CHD1: variants seen among roughly 807,000 people sequenced by gnomAD.
CHD1 encodes ATP-dependent chromatin remodeler CHD1.
Under a neutral mutation model 224.2 loss-of-function variants are expected in CHD1, and 36 were observed. The ratio of observed to expected loss-of-function variants is 0.16; its 90% CI spans 0.12 to 0.21. The LOEUF is 0.21. CHD1 is among the 10% of genes least tolerant of loss of function. CHD1 has a pLI of 1.00. For synonymous variants in CHD1, 668 were observed against 658.3 expected, an observed-to-expected ratio of 1.01 and a Z score of -0.23; for missense variants, 1,378 against 1,994.8, an observed-to-expected ratio of 0.69 and a Z score of 5.89.
chr5:98,895,623 G>A (rs1012432133), intron 12 of CHD1, among the ~76,000 whole-genome samples: 5 of 151,778 alleles, frequency 3.3e-5, no homozygotes, highest in Non-Finnish European at 5.9e-5. Context: ...CCTGGTGGCA[G>A]GCGCTTGTAA....
intron 3 of CHD1, among the ~76,000 whole-genome samples, chr5:98,904,315 G>GA (rs1209934177): frequency 2.0e-5 from 3 of 152,120 alleles, no homozygotes; most frequent in Non-Finnish European, 4.4e-5. Context: ...CTCTATGAAG[G>GA]AATCTGTGTG....
chr5:98,867,664 C>T (rs928602055), intron 31 of CHD1, among the ~76,000 whole-genome samples: 4 of 152,032 alleles, frequency 2.6e-5, no homozygotes, highest in Admixed American at 1.3e-4. Context: ...CTTGTTAAAC[C>T]CCTCTTCTTA....
At chr5:98,878,217 G>C (rs1050668222) in intron 23 of CHD1, among the ~76,000 whole-genome samples, 2 of 152,228 alleles carry the variant, frequency 1.3e-5, no homozygotes, top group African/African-American at 2.4e-5. Context: ...GAAGACTGGA[G>C]AAAACTTTCC....
At chr5:98,909,872 C>T (rs1048190117) in intron 2 of CHD1, among the ~76,000 whole-genome samples, 10 of 152,152 alleles carry the variant, frequency 6.6e-5, no homozygotes, top group Non-Finnish European at 1.3e-4. Context: ...CAACAGGAAA[C>T]CCTTTATTAG....
intron 3 of CHD1, 106 bp from the exon 4 acceptor site, chr5:98,904,014 T>A (rs1244072925): frequency 3.0e-6 from 2 of 658,982 alleles, no homozygotes; most frequent in African/African-American, 3.6e-5. Flanking sequence ...CTCAAAGTAA[T>A]AAAGACTATA....
intron 34 of CHD1, 180 bp from the exon 35 acceptor site, chr5:98,858,570 G>T: frequency 1.9e-6 from 1 of 538,530 alleles, no homozygotes; most frequent in East Asian, 2.9e-5. Context: ...AATTAAAAAA[G>T]GTTGCTTGAT....
At chr5:98,928,355 G>A (rs887598709) in intron 1 of CHD1, among the ~76,000 whole-genome samples, 184 bp downstream of exon 1, 3 of 152,046 alleles carry the variant, frequency 2.0e-5, no homozygotes, top group African/African-American at 7.2e-5. Flanking sequence ...GCCCCGGCCT[G>A]TACTCGCCGC....
chr5:98,861,153 C>T (rs1580348824), intron 32 of CHD1, among the ~76,000 whole-genome samples: 1 of 152,306 alleles, frequency 6.6e-6, no homozygotes, highest in Non-Finnish European at 1.5e-5. Context: ...CTCTTTTAAA[C>T]AGTTCAGGTC....
chr5:98,898,457 C>CTTAT, intron 9 of CHD1, 23 bp from the exon 10 acceptor site: 1 of 1,503,384 alleles, frequency 6.7e-7, no homozygotes, highest in South Asian at 1.4e-5. Flanking sequence ...CAGGCATTTA[C>CTTAT]TTATTTATTT....
At chr5:98,891,241 G>A (rs1751004157) in intron 15 of CHD1, among the ~76,000 whole-genome samples, 1 of 151,922 alleles carries the variant, frequency 6.6e-6, no homozygotes, top group African/African-American at 2.4e-5. Flanking sequence ...TCCTGGCTAA[G>A]TTTTTTGTAT....
At position 98,875,113 on chromosome 5, in the gene CHD1, C is replaced by A; in HGVS notation, c.3399G>T (p.Arg1133=). The change falls in exon 25 of 36, where the codon CGG becomes CGT. Residue 1133 remains arginine (R), a splice_region_variant and synonymous_variant. Transcript: ENST00000614616. ...IKGFSDAEIR[R]FIKSYKKFGG... is the part of the protein sequence containing the mutation. ...CAAATTTCTTATAGCTCTTGATAAACCTAAGAGAAAATAATTGTTTGGTAA... is the reference window on the plus strand; with the variant it reads ...CAAATTTCTTATAGCTCTTGATAAAACTAAGAGAAAATAATTGTTTGGTAA... 6.7e-7 allele frequency: 1 copy of A among 1,497,234 alleles called. No homozygotes were observed. Among genetic ancestry groups the A allele is most frequent in the Non-Finnish European group, 9.2e-7 (1 of 1,082,982 alleles). The allele number at this position is 1,497,234 out of a possible 1,614,324, so 92.7% of individuals were successfully genotyped here. A position where few individuals can be genotyped will look rare whatever the true frequency, so the allele number is the denominator to read the frequency against.
intron 31 of CHD1, among the ~76,000 whole-genome samples, chr5:98,864,210 T>C (rs1016334913): frequency 1.3e-5 from 2 of 152,082 alleles, no homozygotes; most frequent in Non-Finnish European, 2.9e-5. Flanking sequence ...TATAACCTTA[T>C]GCCAAAATCA....
intron 7 of CHD1, 47 bp downstream of exon 7, chr5:98,900,764 A>G (rs1162334837): frequency 6.5e-7 from 1 of 1,543,028 alleles, no homozygotes; most frequent in Non-Finnish European, 8.8e-7. Context: ...CTACTCCTGT[A>G]AATATTATTT....
intron 30 of CHD1, chr5:98,869,086 T>C (rs1749121603): frequency 1.1e-6 from 1 of 918,514 alleles, no homozygotes; most frequent in Admixed American, 6.2e-5. Flanking sequence ...CTTTAAAATC[T>C]TTTTCCTTTA....
chr5:98,912,952 A>G (rs1224441435), intron 2 of CHD1, among the ~76,000 whole-genome samples: 2 of 152,170 alleles, frequency 1.3e-5, no homozygotes, highest in African/African-American at 4.8e-5. Flanking sequence ...AACAGTGATT[A>G]GCTGAATTAG....
Position 98,913,740 on chromosome 5 carries a change from G to A in CHD1, c.54-8642C>T, listed in dbSNP as rs17732946. Among the ~76,000 whole-genome samples, 7 of 152,168 alleles carry A rather than the reference G, an allele frequency of 4.6e-5. No homozygotes were observed. In the South Asian group the frequency reaches 1.5e-3, roughly 32 times the overall value. ...AAAAGATGTTATTAGTTGGTGCTATGTGCCAGATATTAGGTTCTTATTTAA... is the reference window on the plus strand; with the variant it reads ...AAAAGATGTTATTAGTTGGTGCTATATGCCAGATATTAGGTTCTTATTTAA... On this transcript the variant is annotated intron_variant, in intron 2 of 35. Coordinates refer to ENST00000614616, the MANE Select transcript of CHD1 (RefSeq NM_001270.4).
At chr5:98,872,296 T>C (rs1749409297) in intron 27 of CHD1, 95 bp from the exon 28 acceptor site, 1 of 1,466,350 alleles carries the variant, frequency 6.8e-7, no homozygotes, top group African/African-American at 1.4e-5. Context: ...TTCAAAATAA[T>C]ATGCTTTATT....
chr5:98,923,199 G>A (rs182866731), intron 2 of CHD1, among the ~76,000 whole-genome samples: 52 of 151,944 alleles, frequency 3.4e-4, no homozygotes, highest in African/African-American at 1.2e-3. Context: ...GTATAGCAGC[G>A]GTAAGAAAGA....
At chr5:98,911,140 A>AT (rs1471528392) in intron 2 of CHD1, among the ~76,000 whole-genome samples, 7 of 83,210 alleles carry the variant, frequency 8.4e-5, no homozygotes, top group Non-Finnish European at 1.2e-4. Context: ...GAAAAAAAAA[A>AT]AAAAAAATAT....
Sources: gnomAD v4.1 joint callset for allele counts (sites outside exome capture counted in the v4.1 genomes callset) on GRCh38, gnomAD v4.1.1 for gene constraint, MANE v1.5 for transcripts, NCBI Gene and HGNC (gene_info 2026-07-23, HGNC 2026-07-21) for gene names.